The following NCS1 variants were observed in gnomAD, a reference collection of about 807,000 sequenced individuals.
The protein encoded by NCS1 is neuronal calcium sensor 1, also known as frequenin homolog.
A neutral mutation model predicts 28.4 loss-of-function variants in NCS1; 6 were observed. The observed-to-expected ratio is 0.21, with a 90% CI of 0.12 to 0.42. NCS1 has a LOEUF of 0.42. NCS1 is among the 10% of genes least tolerant of loss of function. The probability of loss-of-function intolerance (pLI) is 1.00; values close to 1 mark genes in which losing one functional copy is unlikely to be tolerated. For missense variants in NCS1, 131 were observed against 241.4 expected (o/e 0.54, Z 3.03); for synonymous variants, 86 against 99.3 (o/e 0.87, Z 0.79).
intron 1 of NCS1, among the ~76,000 whole-genome samples, chr9:130,178,430 G>A (rs1480255356): frequency 1.3e-5 from 2 of 152,176 alleles, no homozygotes; most frequent in Non-Finnish European, 2.9e-5. Context: ...CCATCACCCC[G>A]TGTCAGGGGA....
At chr9:130,194,511 G>C (rs1302631664) in intron 1 of NCS1, among the ~76,000 whole-genome samples, 2 of 152,244 alleles carry the variant, frequency 1.3e-5, no homozygotes, top group South Asian at 4.1e-4. Context: ...TAGAGTGGAT[G>C]CCCAGCCCCC....
chr9:130,178,620 A>G lies in NCS1; in HGVS notation c.64+5893A>G, dbSNP rs78145118. ...GGAAGGAATTTGGACATTATTCGAG[A>G]TCCGTAGGGAGCCGTGGAAGGGAGG... On this transcript the variant is annotated intron_variant, in intron 1 of 7. Transcript: ENST00000372398. Among the ~76,000 whole-genome samples the G allele has an allele frequency of 4.7e-3, 712 of 152,150 alleles. 7 individuals carry two copies. The highest frequency in any genetic ancestry group is 0.016 in the African/African-American group (681 of 41,512).
rs117750396 is a variant in NCS1 at position 130,181,725 on chromosome 9, C to T, written c.64+8998C>T. On this transcript the variant is annotated intron_variant, in intron 1 of 7. Transcript: ENST00000372398. The surrounding 1 kb of genome is among the most constrained non-coding windows in gnomAD (Gnocchi z 5.0). ...GTGTGCAGGTGAGCGTGAGCGGGCC[C>T]GGGTGCCTGGTGTGGGTGTTGCAGG... 0.043 allele frequency among the ~76,000 whole-genome samples: 6,575 copies of T among 152,182 alleles called. 181 individuals are homozygous for T. Among genetic ancestry groups the T allele is most frequent in the Admixed American group, 0.074 (1,132 of 15,296 alleles).
intron 2 of NCS1, among the ~76,000 whole-genome samples, chr9:130,205,348 C>A (rs2131139391): frequency 6.6e-6 from 1 of 151,974 alleles, no homozygotes; most frequent in South Asian, 2.1e-4. Context: ...GTGTGAGGCC[C>A]AGTGCTCACT....
intron 4 of NCS1, 46 bp from the exon 5 acceptor site, chr9:130,222,604 C>G: frequency 6.4e-7 from 1 of 1,565,252 alleles, no homozygotes; most frequent in Non-Finnish European, 8.8e-7. Flanking sequence ...AGACCCCTCC[C>G]CACTGCCCCA....
chr9:130,233,342 A>T lies in NCS1; in HGVS notation c.*370A>T, dbSNP rs1234312273. 1 of 152,146 alleles carries T rather than the reference A, an allele frequency of 6.6e-6. No individual in the cohort carries two copies. Among genetic ancestry groups the T allele is most frequent in the Non-Finnish European group, 1.5e-5 (1 of 68,020 alleles). The allele number at this position is 152,146 out of a possible 1,614,324, so 9.4% of individuals were successfully genotyped here. On this transcript the variant is annotated 3_prime_UTR_variant, in exon 8 of 8. Coordinates refer to ENST00000372398, the MANE Select transcript of NCS1 (RefSeq NM_014286.4). This position sits in a 1 kb window ranked among gnomAD's most constrained non-coding sequence, Gnocchi z 4.8. ...GAACAGACGTTTTAAAAGAAAAAAA[A>T]ACAACTACCTTCTGTCCTAGAAGAC...
intron 1 of NCS1, 119 bp from the exon 2 acceptor site, chr9:130,200,838 GC>G: frequency 6.7e-7 from 1 of 1,488,332 alleles, no homozygotes; most frequent in Non-Finnish European, 9.4e-7. Context: ...GCAGGCCGTT[GC>G]CCGGGGACAT....
intron 2 of NCS1, among the ~76,000 whole-genome samples, chr9:130,211,925 G>T (rs1352559604): frequency 6.6e-6 from 1 of 152,142 alleles, no homozygotes; most frequent in African/African-American, 2.4e-5. Context: ...CCTGGAGCAT[G>T]ACCCGGCCTG....
Position 130,226,427 on chromosome 9 carries a change from G to A in NCS1, c.513G>A (p.Glu171=), listed in dbSNP as rs782013843. 4.3e-6 allele frequency: 7 copies of A among 1,614,084 alleles called. No individual in the cohort carries two copies. The highest frequency in any genetic ancestry group is 5.1e-6 in the Non-Finnish European group (6 of 1,180,042). Reference sequence around the variant, plus strand: ...AGCTGACCCTGCAGGAGTTCCAGGAGGGTTCCAAGGCAGACCCGTCCATTG... The same window carrying A: ...AGCTGACCCTGCAGGAGTTCCAGGAAGGTTCCAAGGCAGACCCGTCCATTG... ...DGKLTLQEFQ[E]GSKADPSIVQ... The change falls in exon 7 of 8, where the codon GAG becomes GAA. Residue 171 remains glutamate (E), a synonymous_variant. Transcript: ENST00000372398. This position sits in a 1 kb window ranked among gnomAD's most constrained non-coding sequence, Gnocchi z 4.8.
At chr9:130,176,186 CTTTCTTTCTT>C (rs1832566750) in intron 1 of NCS1, among the ~76,000 whole-genome samples, 2 of 59,338 alleles carry the variant, frequency 3.4e-5, no homozygotes, top group Non-Finnish European at 2.6e-5. Context: ...TTCTTTCTTT[CTTTCTTTCTT>C]TTTTTTTTTT....
Position 130,177,260 on chromosome 9 carries a change from T to C in NCS1, c.64+4533T>C, listed in dbSNP as rs1554904722. On this transcript the variant is annotated intron_variant, in intron 1 of 7. Transcript: ENST00000372398. This position sits in a 1 kb window ranked among gnomAD's most constrained non-coding sequence, Gnocchi z 4.4. ...TGGTTGTGGACTGTCCTGGGGCCCA[T>C]GAGGGCCCCTTCCTCTAGGGTGAGG... is the stretch of plus-strand genomic sequence containing the variant. Among the ~76,000 whole-genome samples, 3 of 152,134 alleles carry C rather than the reference T, an allele frequency of 2.0e-5. No homozygotes were observed. Among genetic ancestry groups the C allele is most frequent in the Non-Finnish European group, 4.4e-5 (3 of 68,006 alleles).
chr9:130,187,259 G>A (rs781906898), intron 1 of NCS1, among the ~76,000 whole-genome samples: 4 of 152,182 alleles, frequency 2.6e-5, no homozygotes, highest in Non-Finnish European at 5.9e-5. Flanking sequence ...CCAGGCTGAT[G>A]TGTCCGAGTC....
chr9:130,228,414 G>C (rs1176597824), intron 7 of NCS1, among the ~76,000 whole-genome samples: 3 of 151,700 alleles, frequency 2.0e-5, no homozygotes, highest in Non-Finnish European at 2.9e-5. Flanking sequence ...TGTAGAGATA[G>C]AGTCTCACTA....
chr9:130,177,185 C>T lies in NCS1; in HGVS notation c.64+4458C>T, dbSNP rs1038838781. Among the ~76,000 whole-genome samples, 8 of 152,194 alleles carry T rather than the reference C, an allele frequency of 5.3e-5. No homozygotes were observed. Among genetic ancestry groups the T allele is most frequent in the African/African-American group, 1.7e-4 (7 of 41,454 alleles). Reference sequence around the variant, plus strand: ...CGCCTCTGTGACCCCGAGCAGAGGACGGGTCCCTGGCTCCAGGTTGGGGTC... The same window carrying T: ...CGCCTCTGTGACCCCGAGCAGAGGATGGGTCCCTGGCTCCAGGTTGGGGTC... On this transcript the variant is annotated intron_variant, in intron 1 of 7. Coordinates refer to ENST00000372398, the MANE Select transcript of NCS1 (RefSeq NM_014286.4). The surrounding 1 kb of genome is among the most constrained non-coding windows in gnomAD (Gnocchi z 4.4).
chr9:130,186,503 C>T lies in NCS1; in HGVS notation c.64+13776C>T, dbSNP rs1188192754. On this transcript the variant is annotated intron_variant, in intron 1 of 7. Coordinates refer to ENST00000372398, the MANE Select transcript of NCS1 (RefSeq NM_014286.4). The surrounding 1 kb of genome is among the most constrained non-coding windows in gnomAD (Gnocchi z 4.1). The stretch of plus-strand genomic sequence containing the variant: ...CTGCTTGAGGGAGATGAGAAGTTTG[C>T]GGGGAGGGTTTGTGTGGGGGACGAT... 2.0e-5 allele frequency among the ~76,000 whole-genome samples: 3 copies of T among 152,020 alleles called. No homozygotes were observed. The highest frequency in any genetic ancestry group is 2.9e-5 in the Non-Finnish European group (2 of 67,990).
intron 1 of NCS1, 141 bp downstream of exon 1, chr9:130,172,868 C>A: frequency 2.6e-6 from 1 of 391,754 alleles, no homozygotes; most frequent in East Asian, 4.8e-5. Context: ...CCAATGTGGA[C>A]CCCTCGGAGG....
At chr9:130,174,206 G>GGGAGGGT (rs1257472670) in intron 1 of NCS1, among the ~76,000 whole-genome samples, 1 of 152,348 alleles carries the variant, frequency 6.6e-6, no homozygotes, top group South Asian at 2.1e-4. Context: ...CCTGTGCCGG[G>GGGAGGGT]GGAGGGTGAG....
At chr9:130,176,689 C>T (rs1832576303) in intron 1 of NCS1, among the ~76,000 whole-genome samples, 1 of 152,222 alleles carries the variant, frequency 6.6e-6, no homozygotes, top group Non-Finnish European at 1.5e-5. Context: ...GTAGCGGCCT[C>T]CGCAGCCCCA....
At position 130,209,289 on chromosome 9, in the gene NCS1, TC is replaced by T. The variant is rs1554908466; in HGVS notation, c.89+8310del. 1.3e-5 allele frequency among the ~76,000 whole-genome samples: 2 copies of T among 152,130 alleles called. No homozygotes were observed. The highest frequency in any genetic ancestry group is 2.9e-5 in the Non-Finnish European group (2 of 68,028). On this transcript the variant is annotated intron_variant, in intron 2 of 7. Transcript: ENST00000372398. The surrounding 1 kb of genome is among the most constrained non-coding windows in gnomAD (Gnocchi z 4.4). Reference sequence around the variant, plus strand: ...CATGGCAGGAAATGCAGGGCTGGCCTCCCAGCAGGATCCCAGAGGACATGAG... The same window carrying T: ...CATGGCAGGAAATGCAGGGCTGGCCTCCAGCAGGATCCCAGAGGACATGAG...
Sources: allele counts gnomAD v4.1 joint callset (sites outside exome capture counted in the v4.1 genomes callset), GRCh38; gene constraint gnomAD v4.1.1; non-coding constraint Gnocchi (gnomAD v3.1); transcripts MANE v1.5; gene names NCBI Gene and HGNC (gene_info 2026-07-23, HGNC 2026-07-21).